PRKCA: variants seen among roughly 807,000 people sequenced by gnomAD.
PRKCA encodes protein kinase C alpha type.
PRKCA carries 27 observed loss-of-function variants against 87.0 expected under a neutral mutation model. The observed-to-expected ratio is 0.31, with a 90% confidence interval of 0.23 to 0.43. The LOEUF (loss-of-function observed/expected upper bound fraction) is 0.43. Ranked by LOEUF, PRKCA falls within the 20% of genes least tolerant of loss-of-function variation. The pLI is 1.00. For synonymous variants in PRKCA, 329 were observed against 311.1 expected, an observed-to-expected ratio of 1.06 and a Z score of -0.61; for missense variants, 518 against 852.3, an observed-to-expected ratio of 0.61 and a Z score of 4.88.
At chr17:66,489,926 A>G (rs1016523796) in intron 2 of PRKCA, among the ~76,000 whole-genome samples, 1 of 151,736 alleles carries the variant, frequency 6.6e-6, no homozygotes, top group Non-Finnish European at 1.5e-5. Context: ...GATTACAGGC[A>G]TGCAACACCA....
At chr17:66,455,128 A>T (rs1914524335) in intron 2 of PRKCA, among the ~76,000 whole-genome samples, 1 of 152,176 alleles carries the variant, frequency 6.6e-6, no homozygotes, top group African/African-American at 2.4e-5. Flanking sequence ...CACATAAGTG[A>T]GTCAGGGACT....
intron 3 of PRKCA, among the ~76,000 whole-genome samples, chr17:66,514,013 G>C (rs1428464264): frequency 6.6e-6 from 1 of 152,110 alleles, no homozygotes; most frequent in Non-Finnish European, 1.5e-5. Context: ...GTTACTTTTA[G>C]TATAGTACAC....
intron 11 of PRKCA, among the ~76,000 whole-genome samples, chr17:66,739,636 G>A (rs569681285): frequency 1.1e-4 from 17 of 152,296 alleles, no homozygotes; most frequent in East Asian, 1.9e-4. Flanking sequence ...GCAACCCCAC[G>A]AAATGACCGG....
chr17:66,663,517 C>T (rs1204455977), intron 5 of PRKCA, among the ~76,000 whole-genome samples: 1 of 152,172 alleles, frequency 6.6e-6, no homozygotes, highest in African/African-American at 2.4e-5. Context: ...CATCCGCTGC[C>T]CTCGCTAGTT....
At chr17:66,450,661 C>G (rs972853592) in intron 2 of PRKCA, among the ~76,000 whole-genome samples, 1 of 152,200 alleles carries the variant, frequency 6.6e-6, no homozygotes, top group Non-Finnish European at 1.5e-5. Context: ...TTCATCCACA[C>G]ACTTAACACT....
chr17:66,581,511 T>C (rs1305941487), intron 3 of PRKCA, among the ~76,000 whole-genome samples: 1 of 152,224 alleles, frequency 6.6e-6, no homozygotes, highest in Non-Finnish European at 1.5e-5. Flanking sequence ...AGTCTCTCTC[T>C]GTCCCCCAGG....
intron 3 of PRKCA, among the ~76,000 whole-genome samples, chr17:66,604,374 G>A (rs1358159994): frequency 6.6e-6 from 1 of 152,154 alleles, no homozygotes; most frequent in Non-Finnish European, 1.5e-5. Flanking sequence ...CTTGATTTCC[G>A]AAGGCCATGC....
At chr17:66,404,805 A>G (rs1367909842) in intron 2 of PRKCA, among the ~76,000 whole-genome samples, 2 of 120,930 alleles carry the variant, frequency 1.7e-5, no homozygotes, top group Non-Finnish European at 3.2e-5. Context: ...GCTGGAGTGC[A>G]GTGGCACGAT....
chr17:66,727,621 C>T (rs146042246), intron 8 of PRKCA, among the ~76,000 whole-genome samples: 186 of 146,514 alleles, frequency 1.3e-3, no homozygotes, highest in African/African-American at 4.8e-3. Flanking sequence ...TTGCTAGTCC[C>T]GTGAAACTGC....
rs551207966 is a variant in PRKCA at position 66,531,316 on chromosome 17, A to C, written c.288+35033A>C. ...AGTACTCTTCAGATCAGTGGTTCTT[A>C]GCCCTGCCTGAACTGCAGAGTCCTC... On this transcript the variant is annotated intron_variant, in intron 3 of 16. Transcript: ENST00000413366. 2.0e-5 allele frequency among the ~76,000 whole-genome samples: 3 copies of C among 152,338 alleles called. No individual in the cohort carries two copies. The East Asian group carries it at 5.8e-4, about 29-fold the overall frequency.
At chr17:66,755,463 G>A (rs1025887363) in intron 13 of PRKCA, among the ~76,000 whole-genome samples, 1 of 152,192 alleles carries the variant, frequency 6.6e-6, no homozygotes, top group Non-Finnish European at 1.5e-5. Context: ...CAAAGCCCAG[G>A]AGACCGCTGA....
At chr17:66,606,508 A>G (rs1220400104) in intron 3 of PRKCA, among the ~76,000 whole-genome samples, 1 of 152,242 alleles carries the variant, frequency 6.6e-6, no homozygotes, top group South Asian at 2.1e-4. Context: ...TGGCAAAATA[A>G]TTCTAAAAGA....
chr17:66,442,969 A>G (rs2143884190), intron 2 of PRKCA, among the ~76,000 whole-genome samples: 1 of 152,332 alleles, frequency 6.6e-6, no homozygotes, highest in East Asian at 1.9e-4. Context: ...CCTGAACACG[A>G]GGTGACTCTG....
At chr17:66,603,984 G>A (rs1970132562) in intron 3 of PRKCA, among the ~76,000 whole-genome samples, 1 of 152,122 alleles carries the variant, frequency 6.6e-6, no homozygotes, top group African/African-American at 2.4e-5. Context: ...TCGCTGTATG[G>A]ATATACCGCC....
chr17:66,484,835 C>T, intron 2 of PRKCA, among the ~76,000 whole-genome samples: 1 of 152,182 alleles, frequency 6.6e-6, no homozygotes, highest in Middle Eastern at 3.4e-3. Context: ...TGTTATTTCA[C>T]TTGTATAATT....
intron 3 of PRKCA, among the ~76,000 whole-genome samples, chr17:66,583,058 G>C (rs187875469): frequency 6.6e-6 from 1 of 152,314 alleles, no homozygotes; most frequent in Admixed American, 6.5e-5. Context: ...TAGTGGCTGT[G>C]AGGATTAGGT....
intron 3 of PRKCA, among the ~76,000 whole-genome samples, chr17:66,590,084 G>A (rs561136153): frequency 2.3e-4 from 35 of 152,180 alleles, no homozygotes; most frequent in East Asian, 7.8e-4. Flanking sequence ...GACAGGCACC[G>A]GTCCATGGCC....
intron 5 of PRKCA, among the ~76,000 whole-genome samples, chr17:66,657,206 G>A (rs181092441): frequency 3.3e-5 from 5 of 152,368 alleles, no homozygotes; most frequent in Admixed American, 2.6e-4. Flanking sequence ...TTTTTATACT[G>A]AGAATGGTAG....
intron 8 of PRKCA, among the ~76,000 whole-genome samples, chr17:66,690,002 A>T (rs1972736901): frequency 6.6e-6 from 1 of 151,422 alleles, no homozygotes; most frequent in African/African-American, 2.4e-5. Context: ...TGGGATGCTG[A>T]TGCTCCTCTT....
Sources: gnomAD v4.1 joint callset for allele counts (sites outside exome capture counted in the v4.1 genomes callset) on GRCh38, gnomAD v4.1.1 for gene constraint, MANE v1.5 for transcripts, NCBI Gene and HGNC (gene_info 2026-07-23, HGNC 2026-07-21) for gene names.